PAG1: variants seen among roughly 807,000 people sequenced by gnomAD.
The protein encoded by PAG1 is phosphoprotein associated with glycosphingolipid-enriched microdomains 1.
Under a neutral mutation model 31.7 loss-of-function variants are expected in PAG1, and 23 were observed. The observed-to-expected ratio is 0.73, with a 90% CI of 0.52 to 1.03. PAG1 has a LOEUF of 1.03. Among genes scored for constraint, PAG1 ranks in the 50% least tolerant of loss-of-function variants. The pLI is 0.00. For synonymous variants in PAG1, 214 were observed against 210.3 expected (o/e 1.02, Z -0.15); for missense variants, 473 against 540.7 (o/e 0.87, Z 1.24).
chr8:80,997,521 C>A (rs2130554116), intron 3 of PAG1, among the ~76,000 whole-genome samples: 1 of 152,332 alleles, frequency 6.6e-6, no homozygotes, highest in East Asian at 1.9e-4. Context: ...TCCCAAAGTG[C>A]TGGAGTTACA....
At chr8:80,987,184 CT>C (rs1311185803) in intron 6 of PAG1, among the ~76,000 whole-genome samples, 185 bp downstream of exon 6, 1 of 152,140 alleles carries the variant, frequency 6.6e-6, no homozygotes, top group African/African-American at 2.4e-5. Flanking sequence ...AGAACAATGC[CT>C]GGCACACAGA....
chr8:81,051,381 T>C (rs1162005771), intron 2 of PAG1, among the ~76,000 whole-genome samples: 1 of 152,240 alleles, frequency 6.6e-6, no homozygotes, highest in Admixed American at 6.5e-5. Flanking sequence ...CACATCTACT[T>C]AGGTATTTCT....
intron 1 of PAG1, among the ~76,000 whole-genome samples, chr8:81,105,767 C>G (rs1438239983): frequency 6.6e-6 from 1 of 152,132 alleles, no homozygotes; most frequent in East Asian, 1.9e-4. Flanking sequence ...GTCACAAATA[C>G]AGTGAGACGA....
chr8:81,006,021 C>A (rs1276065324), intron 3 of PAG1, among the ~76,000 whole-genome samples: 1 of 152,200 alleles, frequency 6.6e-6, no homozygotes, highest in Non-Finnish European at 1.5e-5. Flanking sequence ...CGACTCACAG[C>A]AACCTCTGCC....
intron 1 of PAG1, among the ~76,000 whole-genome samples, chr8:81,109,162 C>A (rs1809737010): frequency 6.6e-6 from 1 of 152,238 alleles, no homozygotes; most frequent in African/African-American, 2.4e-5. Flanking sequence ...CCTGGCACCT[C>A]TACCACACAT....
chr8:80,989,537 G>A (rs918320148), intron 5 of PAG1, among the ~76,000 whole-genome samples: 5 of 152,094 alleles, frequency 3.3e-5, no homozygotes, highest in African/African-American at 7.2e-5. Context: ...GTGTGTGCTC[G>A]CGCTCTCTCA....
intron 3 of PAG1, among the ~76,000 whole-genome samples, chr8:81,024,748 C>G (rs189538583): frequency 6.6e-6 from 1 of 152,140 alleles, no homozygotes; most frequent in African/African-American, 2.4e-5. Context: ...TCATAGTTCC[C>G]TTTTCAAACT....
intron 1 of PAG1, among the ~76,000 whole-genome samples, chr8:81,085,296 CA>C (rs1205000944): frequency 6.6e-6 from 1 of 152,164 alleles, no homozygotes; most frequent in African/African-American, 2.4e-5. Context: ...TAAGGATTAA[CA>C]AGCCATTCTG....
At chr8:81,064,807 G>C (rs536079885) in intron 2 of PAG1, among the ~76,000 whole-genome samples, 1 of 152,156 alleles carries the variant, frequency 6.6e-6, no homozygotes, top group East Asian at 1.9e-4. Flanking sequence ...GGAAAAACTC[G>C]AAGACACTGA....
rs182521092 is a variant in PAG1, at chr8:81,027,546, T to C, written c.-81+2450A>G. Among the ~76,000 whole-genome samples the C allele has an allele frequency of 5.9e-5, 9 of 152,336 alleles. No individual in the cohort carries two copies. The East Asian group carries it at 1.7e-3, about 29-fold the overall frequency. Reference sequence around the variant, plus strand: ...ATACTGACACTACTACGGATAGAATTTTAAAAGTCTCATAATTTATATTAT... The same window carrying C: ...ATACTGACACTACTACGGATAGAATCTTAAAAGTCTCATAATTTATATTAT... On this transcript the variant is annotated intron_variant, in intron 3 of 8. Transcript: ENST00000220597.
intron 2 of PAG1, among the ~76,000 whole-genome samples, chr8:81,056,795 G>A (rs1808830282): frequency 6.6e-6 from 1 of 152,006 alleles, no homozygotes; most frequent in South Asian, 2.1e-4. Flanking sequence ...CCTACAGAAT[G>A]GGAAAAAAAT....
chr8:80,996,896 G>C (rs1475611208), intron 3 of PAG1, among the ~76,000 whole-genome samples: 1 of 152,208 alleles, frequency 6.6e-6, no homozygotes, highest in African/African-American at 2.4e-5. Flanking sequence ...AGGAGGCATA[G>C]TGTATGGATA....
At chr8:80,994,566 G>C (rs1170418361) in intron 3 of PAG1, among the ~76,000 whole-genome samples, 1 of 152,172 alleles carries the variant, frequency 6.6e-6, no homozygotes, top group East Asian at 1.9e-4. Flanking sequence ...CAGGAGCTAA[G>C]TGGCAGGGAG....
chr8:81,043,480 T>C (rs1053510939), intron 2 of PAG1, among the ~76,000 whole-genome samples: 4 of 151,010 alleles, frequency 2.6e-5, no homozygotes, highest in Admixed American at 2.6e-4. Context: ...AGTTTCATTG[T>C]GTTCATTTAC....
chr8:81,040,875 G>A (rs1171395126), intron 2 of PAG1: 1 of 152,130 alleles, frequency 6.6e-6, no homozygotes, highest in Non-Finnish European at 1.5e-5. Flanking sequence ...GGTAGAAGAG[G>A]AAAGAGAAGA....
At chr8:81,068,296 C>T (rs185824456) in intron 2 of PAG1, among the ~76,000 whole-genome samples, 9 of 152,288 alleles carry the variant, frequency 5.9e-5, no homozygotes, top group Non-Finnish European at 1.3e-4. Context: ...TGGGTTGGGA[C>T]AATTTAAAAT....
intron 6 of PAG1, 40 bp downstream of exon 6, chr8:80,987,330 T>G: frequency 1.9e-5 from 23 of 1,242,812 alleles, no homozygotes; most frequent in Non-Finnish European, 2.5e-5. Context: ...CCAGAGGTGA[T>G]GAGGCCTGTG....
At chr8:81,085,163 A>C (rs1809330961) in intron 1 of PAG1, among the ~76,000 whole-genome samples, 2 of 152,206 alleles carry the variant, frequency 1.3e-5, no homozygotes, top group African/African-American at 4.8e-5. Context: ...GCCAATTAGA[A>C]GCAAATGGCG....
intron 7 of PAG1, 28 bp downstream of exon 7, chr8:80,984,748 A>T: frequency 6.2e-7 from 1 of 1,602,212 alleles, no homozygotes; most frequent in Non-Finnish European, 8.5e-7. Context: ...GGAACCCACA[A>T]AGACAAAACA....
Sources: allele counts gnomAD v4.1 joint callset (sites outside exome capture counted in the v4.1 genomes callset), GRCh38; gene constraint gnomAD v4.1.1; transcripts MANE v1.5; gene names NCBI Gene and HGNC (gene_info 2026-07-23, HGNC 2026-07-21).